Variants in POPDC3 observed in about 807,000 individuals in gnomAD.
The protein encoded by POPDC3 is popeye domain cAMP effector 3, also known as popeye domain-containing protein 3.
POPDC3 carries 20 observed loss-of-function variants against 28.2 expected under a neutral mutation model. The observed-to-expected ratio is 0.71, with a 90% CI of 0.50 to 1.03. The LOEUF is 1.03. POPDC3 is among the 50% of genes least tolerant of loss of function. The pLI is 0.00. For missense variants in POPDC3, 316 were observed against 345.9 expected, an observed-to-expected ratio of 0.91 and a Z score of 0.69; for synonymous variants, 118 against 124.1, an observed-to-expected ratio of 0.95 and a Z score of 0.33.
At chr6:105,161,401 C>T (rs747311366) in intron 2 of POPDC3, 24 bp downstream of exon 2, 86 of 1,594,308 alleles carry the variant, frequency 5.4e-5, no homozygotes, top group Non-Finnish European at 6.7e-5. Flanking sequence ...TGAGGAAAGA[C>T]ATGCAAGCAC....
Position 105,158,424 on chromosome 6 carries a change from T to TGAAGAGA in POPDC3, c.*39_*45dup. ...ATTTTGCTATTTCACTGGGGAATGA[T>TGAAGAGA]GAAGAGAGAGTCTTTTTTTATACTT... is the stretch of plus-strand genomic sequence containing the variant. On this transcript the variant is annotated 3_prime_UTR_variant, in exon 4 of 4. Coordinates refer to ENST00000254765, the MANE Select transcript of POPDC3 (RefSeq NM_022361.5). 2 of 1,487,328 alleles carry TGAAGAGA rather than the reference T, an allele frequency of 1.3e-6. No individual in the cohort carries two copies. The highest frequency in any genetic ancestry group is 1.8e-6 in the Non-Finnish European group (2 of 1,103,898). 92.1% of individuals were successfully genotyped at this position (1,487,328 alleles called of 1,614,324 possible).
chr6:105,165,589 G>A (rs1362969512), intron 1 of POPDC3, among the ~76,000 whole-genome samples: 2 of 152,118 alleles, frequency 1.3e-5, no homozygotes, highest in African/African-American at 2.4e-5. Context: ...AGAATTGGGG[G>A]GCTCCAAATG....
At chr6:105,163,278 G>A (rs1186028842) in intron 1 of POPDC3, among the ~76,000 whole-genome samples, 4 of 152,030 alleles carry the variant, frequency 2.6e-5, no homozygotes, top group Non-Finnish European at 4.4e-5. Context: ...TTTATCAGAT[G>A]GTCAAAAATA....
chr6:105,172,646 A>T (rs1271857548), intron 1 of POPDC3, among the ~76,000 whole-genome samples: 1 of 150,920 alleles, frequency 6.6e-6, no homozygotes, highest in Non-Finnish European at 1.5e-5. Context: ...CAAATGTCCA[A>T]CAATGAGAGA....
At chr6:105,168,338 C>T (rs970110195) in intron 1 of POPDC3, among the ~76,000 whole-genome samples, 2 of 152,184 alleles carry the variant, frequency 1.3e-5, no homozygotes, top group African/African-American at 4.8e-5. Context: ...TGCTTTCACA[C>T]AATACTTGGA....
rs1175136661 is a variant in POPDC3, at chr6:105,158,446, A to T, written c.*24T>A. On this transcript the variant is annotated 3_prime_UTR_variant, in exon 4 of 4. Coordinates refer to ENST00000254765, the MANE Select transcript of POPDC3 (RefSeq NM_022361.5). The stretch of plus-strand genomic sequence containing the variant: ...TGATGAAGAGAGAGTCTTTTTTTAT[A>T]CTTATAAATTTCAGACTTTGATGTC... The T allele has an allele frequency of 1.3e-6, 2 of 1,556,958 alleles. No homozygotes were observed. The highest frequency in any genetic ancestry group is 1.9e-5 in the Admixed American group (1 of 52,360).
chr6:105,162,269 T>C (rs1774352710), intron 1 of POPDC3, 109 bp from the exon 2 acceptor site: 1 of 467,108 alleles, frequency 2.1e-6, no homozygotes, highest in African/African-American at 2.1e-5. Flanking sequence ...CCATTTTCTA[T>C]GAAGTTAGAG....
intron 1 of POPDC3, among the ~76,000 whole-genome samples, chr6:105,176,615 G>A (rs1221495307): frequency 1.3e-5 from 2 of 151,944 alleles, no homozygotes; most frequent in Admixed American, 1.3e-4. Flanking sequence ...GGAGTGCGGT[G>A]GCGCGATCTC....
intron 1 of POPDC3, among the ~76,000 whole-genome samples, chr6:105,179,611 CA>C (rs1774744538): frequency 6.6e-6 from 1 of 152,130 alleles, no homozygotes; most frequent in Non-Finnish European, 1.5e-5. Flanking sequence ...TGAGCGGCGA[CA>C]CAGCCGGGAC....
rs1251764416 is a variant in POPDC3 at position 105,171,982 on chromosome 6, C to A, written c.-252+7851G>T. On this transcript the variant is annotated intron_variant, in intron 1 of 3. Transcript: ENST00000254765. ...TACAGGCGTGAGCCACTGTGCCCAGCCATTAAAACTCATTTAAAGTCAGTT... is the reference window on the plus strand; with the variant it reads ...TACAGGCGTGAGCCACTGTGCCCAGACATTAAAACTCATTTAAAGTCAGTT... Among the ~76,000 whole-genome samples the A allele has an allele frequency of 2.6e-5, 4 of 151,116 alleles. No individual in the cohort carries two copies. In the South Asian group the frequency reaches 8.3e-4, roughly 31 times the overall value.
chr6:105,173,456 AG>A (rs1774621313), intron 1 of POPDC3, among the ~76,000 whole-genome samples: 1 of 152,210 alleles, frequency 6.6e-6, no homozygotes, highest in South Asian at 2.1e-4. Flanking sequence ...TGGAGGAGTA[AG>A]TAATAATAAC....
intron 1 of POPDC3, among the ~76,000 whole-genome samples, chr6:105,163,456 G>A (rs1032334978): frequency 1.3e-5 from 2 of 152,142 alleles, no homozygotes; most frequent in African/African-American, 4.8e-5. Context: ...TCAGTGTAAA[G>A]CATTCATGAC....
chr6:105,174,062 A>G (rs1437034430), intron 1 of POPDC3, among the ~76,000 whole-genome samples: 1 of 152,168 alleles, frequency 6.6e-6, no homozygotes. Flanking sequence ...TTTTTCTTAG[A>G]TGGAGTTTTG....
intron 1 of POPDC3, among the ~76,000 whole-genome samples, chr6:105,171,325 CTG>C (rs2114542958): frequency 6.6e-6 from 1 of 152,216 alleles, no homozygotes; most frequent in Admixed American, 6.5e-5. Flanking sequence ...ACATAATTAA[CTG>C]TATCATTAGC....
At position 105,176,323 on chromosome 6, in the gene POPDC3, G is replaced by C. The variant is rs1487687596; in HGVS notation, c.-252+3510C>G. The stretch of plus-strand genomic sequence containing the variant: ...AGTAAAAAACCAAAATCACTCGATT[G>C]GCTACAGCTCTGCATCTGCTTTATT... On this transcript the variant is annotated intron_variant, in intron 1 of 3. Transcript: ENST00000254765. 3.3e-5 allele frequency among the ~76,000 whole-genome samples: 5 copies of C among 152,252 alleles called. No individual in the cohort carries two copies. The East Asian group carries it at 9.7e-4, about 29-fold the overall frequency.
In POPDC3 at chr6:105,165,272, A is replaced by G. The variant is rs1774433295; in HGVS notation, c.-251-3112T>C. Among the ~76,000 whole-genome samples, 3 of 152,204 alleles carry G rather than the reference A, an allele frequency of 2.0e-5. No homozygotes were observed. The South Asian group carries it at 6.2e-4, about 32-fold the overall frequency. On this transcript the variant is annotated intron_variant, in intron 1 of 3. Transcript: ENST00000254765. ...AAGAAAATAAAAATCCTAACCATGG[A>G]TATTTCAGACTTACCCTATAAGTTC...
At chr6:105,167,227 A>T (rs1253153039) in intron 1 of POPDC3, among the ~76,000 whole-genome samples, 1 of 152,164 alleles carries the variant, frequency 6.6e-6, no homozygotes, top group Admixed American at 6.5e-5. Flanking sequence ...TCTTGAAGTT[A>T]GGGAAAAAGT....
intron 1 of POPDC3, among the ~76,000 whole-genome samples, chr6:105,165,560 TTC>T (rs1200209485): frequency 6.6e-6 from 1 of 152,180 alleles, no homozygotes; most frequent in Non-Finnish European, 1.5e-5. Flanking sequence ...TTGTAACATC[TTC>T]TGTCATCTAT....
Position 105,161,921 on chromosome 6 carries a change from T to C in POPDC3, c.-12A>G, listed in dbSNP as rs769693528. 6.4e-7 allele frequency: 1 copy of C among 1,573,902 alleles called. No individual in the cohort carries two copies. The highest frequency in any genetic ancestry group is 8.6e-7 in the Non-Finnish European group (1 of 1,163,196). ...GAATTTCTTTCCATGGCTGTATTAC[T>C]GCCTGCTTCACTTTTCAGTTGACTT... is the stretch of plus-strand genomic sequence containing the variant. On this transcript the variant is annotated 5_prime_UTR_variant, in exon 2 of 4. Transcript: ENST00000254765.
Sources: allele counts gnomAD v4.1 joint callset (sites outside exome capture counted in the v4.1 genomes callset), GRCh38; gene constraint gnomAD v4.1.1; transcripts MANE v1.5; gene names NCBI Gene and HGNC (gene_info 2026-07-23, HGNC 2026-07-21).